Variants in HTR1D observed in about 807,000 individuals in gnomAD.
HTR1D encodes the protein 5-HT-1D.
In HTR1D, 18 loss-of-function variants were observed where a neutral mutation model predicts 21.1. That is an observed-to-expected ratio of 0.85 (90% CI 0.59 to 1.27). HTR1D has a LOEUF of 1.27. Ranked by LOEUF, HTR1D falls within the 50% of genes most tolerant of loss-of-function variation. The pLI, the probability that HTR1D is intolerant of heterozygous loss-of-function variation, is 0.00. For missense variants in HTR1D, 456 were observed against 481.4 expected (o/e 0.95, Z 0.49); for synonymous variants, 196 against 204.4 (o/e 0.96, Z 0.35).
intron 1 of HTR1D, among the ~76,000 whole-genome samples, chr1:23,196,193 C>T (rs569673024): frequency 6.6e-6 from 1 of 152,114 alleles, no homozygotes; most frequent in African/African-American, 2.4e-5. Context: ...GACTGTAATC[C>T]CAGCACTTTG....
chr1:23,208,719 G>A (rs1228550425), intron 1 of HTR1D, among the ~76,000 whole-genome samples: 3 of 152,070 alleles, frequency 2.0e-5, no homozygotes, highest in Non-Finnish European at 2.9e-5. Flanking sequence ...TTTTACAGAC[G>A]AAGAAACTGA....
At chr1:23,202,608 C>T (rs1033924227) in intron 1 of HTR1D, among the ~76,000 whole-genome samples, 9 of 152,268 alleles carry the variant, frequency 5.9e-5, no homozygotes, top group African/African-American at 2.2e-4. Flanking sequence ...AAATAAGGCT[C>T]TGTGATAAAA....
intron 1 of HTR1D, among the ~76,000 whole-genome samples, chr1:23,209,415 C>G (rs77313092): frequency 1.3e-5 from 2 of 149,718 alleles, no homozygotes; most frequent in East Asian, 2.0e-4. Context: ...GCTCTCAGTA[C>G]AGGTGATATT....
rs557477132 is a variant in HTR1D, at chr1:23,204,729, T to C, written c.-782-9728A>G. Among the ~76,000 whole-genome samples the C allele has an allele frequency of 2.6e-5, 4 of 152,346 alleles. No individual in the cohort carries two copies. In the East Asian group the frequency reaches 7.7e-4, roughly 29 times the overall value. On this transcript the variant is annotated intron_variant, in intron 1 of 1. Coordinates refer to ENST00000374619, the MANE Select transcript of HTR1D (RefSeq NM_000864.5). ...AGGCTGTGCATGTTTCTGCTTGCAC[T>C]CTGTCATTGCCATCCCTGGGCTATG... is the stretch of plus-strand genomic sequence containing the variant.
intron 1 of HTR1D, among the ~76,000 whole-genome samples, chr1:23,195,323 G>A (rs1034636252): frequency 6.6e-6 from 1 of 152,066 alleles, no homozygotes; most frequent in Non-Finnish European, 1.5e-5. Context: ...CACAGGGAAC[G>A]ATAAAGGCCA....
chr1:23,210,630 T>G (rs1644750053), intron 1 of HTR1D, among the ~76,000 whole-genome samples: 1 of 152,026 alleles, frequency 6.6e-6, no homozygotes, highest in African/African-American at 2.4e-5. Context: ...CCAGCGCTCC[T>G]TCTACTGGCT....
intron 1 of HTR1D, among the ~76,000 whole-genome samples, chr1:23,207,259 G>A (rs1462080020): frequency 6.6e-6 from 1 of 152,042 alleles, no homozygotes; most frequent in Non-Finnish European, 1.5e-5. Context: ...AAAATTATCT[G>A]GGTGTGGTGT....
At chr1:23,201,067 A>G (rs1023281028) in intron 1 of HTR1D, among the ~76,000 whole-genome samples, 4 of 152,174 alleles carry the variant, frequency 2.6e-5, no homozygotes, top group African/African-American at 9.7e-5. Context: ...AGCCTGTTCC[A>G]GAGACCACTT....
intron 1 of HTR1D, among the ~76,000 whole-genome samples, chr1:23,205,637 G>A (rs937255975): frequency 4.6e-5 from 7 of 152,114 alleles, no homozygotes; most frequent in Non-Finnish European, 7.4e-5. Context: ...TCCGCCTCCC[G>A]GGTTCAAGTG....
chr1:23,203,572 G>A (rs1189185597), intron 1 of HTR1D, among the ~76,000 whole-genome samples: 2 of 152,168 alleles, frequency 1.3e-5, no homozygotes, highest in Middle Eastern at 3.2e-3. Context: ...TGGGAGAACT[G>A]CTTGAGCCCA....
intron 1 of HTR1D, among the ~76,000 whole-genome samples, 162 bp from the exon 2 acceptor site, chr1:23,195,163 C>T (rs999748552): frequency 2.6e-5 from 4 of 152,158 alleles, no homozygotes; most frequent in Non-Finnish European, 4.4e-5. Context: ...TGATGTGCCC[C>T]ACCCATGCAA....
chr1:23,206,561 C>G lies in HTR1D; in HGVS notation c.-783+10730G>C, dbSNP rs576750913. Among the ~76,000 whole-genome samples, 7 of 152,210 alleles carry G rather than the reference C, an allele frequency of 4.6e-5. 1 individual carries two copies. The highest frequency in any genetic ancestry group is 1.0e-4 in the Non-Finnish European group (7 of 68,040). ...TTCTGCCAGTACCCTCCTGCCATAC[C>G]CCAGGCTCCGGTGCTGTTTCCTGCT... On this transcript the variant is annotated intron_variant, in intron 1 of 1. Transcript: ENST00000374619.
At position 23,193,360 on chromosome 1, in the gene HTR1D, T is replaced by A. The variant is rs1409824905; in HGVS notation, c.860A>T (p.Glu287Val). The change falls in exon 2 of 2, where the codon GAA (glutamate) becomes GTA (valine). Residue 287 changes from glutamate (E) to valine (V), a missense_variant. Physicochemically the swap from Glu to Val is moderately radical, Grantham distance 121. Transcript: ENST00000374619. ...TCGAGCAGCAGAAATCCTCTTGCGT[T>A]CCAGGGCACTGTCAGCAAGCTTGAT... ...VKIKLADSAL[E>V]RKRISAARER... The A allele has an allele frequency of 6.2e-7, 1 of 1,614,176 alleles. No individual in the cohort carries two copies.
At chr1:23,199,409 T>A (rs1328303755) in intron 1 of HTR1D, among the ~76,000 whole-genome samples, 2 of 138,442 alleles carry the variant, frequency 1.4e-5, no homozygotes, top group African/African-American at 5.4e-5. Flanking sequence ...AGCCGCCATG[T>A]GTGGTCTTTT....
chr1:23,206,679 T>C (rs1461300840), intron 1 of HTR1D, among the ~76,000 whole-genome samples: 5 of 152,090 alleles, frequency 3.3e-5, no homozygotes, highest in Non-Finnish European at 7.4e-5. Flanking sequence ...AGAGCTAGGC[T>C]CTGGTGTCTC....
Position 23,194,213 on chromosome 1 carries a change from G to A in HTR1D, c.7C>T (p.Pro3Ser), listed in dbSNP as rs1375326463. Residue 3 changes from proline (P) to serine (S), a missense_variant, in exon 2 of 2, where the codon CCA becomes TCA. Pro to Ser is a moderately conservative substitution (Grantham distance 74, BLOSUM62 -1). Transcript: ENST00000374619. Reference sequence around the variant, plus strand: ...AGGCCTTCTGCTGACTGGTTCAGTGGGGACATGCTAGGTGGCTCTCTCTTC... The same window carrying A: ...AGGCCTTCTGCTGACTGGTTCAGTGAGGACATGCTAGGTGGCTCTCTCTTC... MS[P>S]LNQSAEGLPQ... 1 of 1,612,150 alleles carries A rather than the reference G, an allele frequency of 6.2e-7. No individual in the cohort carries two copies.
At chr1:23,214,952 A>G (rs934280784) in intron 1 of HTR1D, among the ~76,000 whole-genome samples, 2 of 152,134 alleles carry the variant, frequency 1.3e-5, no homozygotes, top group East Asian at 3.8e-4. Flanking sequence ...GTCTACTAGG[A>G]GAGGAGCAGA....
At chr1:23,206,848 G>C (rs1030659467) in intron 1 of HTR1D, among the ~76,000 whole-genome samples, 6 of 152,088 alleles carry the variant, frequency 3.9e-5, no homozygotes, top group African/African-American at 1.4e-4. Context: ...CTGACGCCTG[G>C]CCCAGAGCAA....
In HTR1D at chr1:23,194,176, G is replaced by A. The variant is rs1644675915; in HGVS notation, c.44C>T (p.Ala15Val). Reference protein sequence around the residue: ...NQSAEGLPQEASNRSLNATET... With the variant: ...NQSAEGLPQEVSNRSLNATET... Reference sequence around the variant, plus strand: ...TGTGGCATTCAGGGATCTGTTGGAGGCCTCCTGGGGAAGGCCTTCTGCTGA... The same window carrying A: ...TGTGGCATTCAGGGATCTGTTGGAGACCTCCTGGGGAAGGCCTTCTGCTGA... Residue 15 changes from alanine to valine, a missense_variant, in exon 2 of 2, where the codon GCC becomes GTC. Physicochemically the swap from Ala to Val is moderately conservative, Grantham distance 64. Coordinates refer to ENST00000374619, the MANE Select transcript of HTR1D (RefSeq NM_000864.5). 1 of 1,613,848 alleles carries A rather than the reference G, an allele frequency of 6.2e-7. No homozygotes were observed. Among genetic ancestry groups the A allele is most frequent in the African/African-American group, 1.3e-5 (1 of 74,862 alleles).
Sources: gnomAD v4.1 joint callset for allele counts (sites outside exome capture counted in the v4.1 genomes callset) on GRCh38, gnomAD v4.1.1 for gene constraint, MANE v1.5 for transcripts, NCBI Gene and HGNC (gene_info 2026-07-23, HGNC 2026-07-21) for gene names.